Variants in STAT4 observed in about 807,000 individuals in gnomAD.
STAT4 encodes signal transducer and activator of transcription 4.
A neutral mutation model predicts 110.5 loss-of-function variants in STAT4; 42 were observed. The observed-to-expected ratio is 0.38, with a 90% CI of 0.30 to 0.49. The LOEUF (loss-of-function observed/expected upper bound fraction) is 0.49. Among genes scored for constraint, STAT4 ranks in the 20% least tolerant of loss-of-function variants. STAT4 has a pLI of 0.95. For synonymous variants in STAT4, 284 were observed against 302.2 expected (o/e 0.94, Z 0.63); for missense variants, 632 against 887.9 (o/e 0.71, Z 3.66).
intron 3 of STAT4, among the ~76,000 whole-genome samples, chr2:191,114,854 T>G (rs1323299547): frequency 6.6e-6 from 1 of 152,162 alleles, no homozygotes; most frequent in African/African-American, 2.4e-5. Flanking sequence ...CATAATGTAT[T>G]GTTGAAGCAG....
Position 191,146,580 on chromosome 2 carries a change from C to T in STAT4, c.273+33G>A. The T allele has an allele frequency of 1.4e-6, 2 of 1,433,308 alleles. No individual in the cohort carries two copies. Among genetic ancestry groups the T allele is most frequent in the Non-Finnish European group, 9.2e-7 (1 of 1,086,054 alleles). 88.8% of individuals were successfully genotyped at this position (1,433,308 alleles called of 1,614,324 possible). On this transcript the variant is annotated intron_variant, in intron 3 of 23. Coordinates refer to ENST00000392320, the MANE Select transcript of STAT4 (RefSeq NM_003151.4). This position sits in a 1 kb window ranked among gnomAD's most constrained non-coding sequence, Gnocchi z 4.5. ...TAACTAAATTTAAGACTCATATATC[C>T]AAATATTTTGGAAAAGTAGAATGCA...
At chr2:191,134,124 T>C (rs1699116481) in intron 3 of STAT4, among the ~76,000 whole-genome samples, 2 of 152,190 alleles carry the variant, frequency 1.3e-5, no homozygotes, top group Admixed American at 6.5e-5. Flanking sequence ...AGTCTAAGGT[T>C]GGGCCAATCC....
rs1029480731 is a variant in STAT4 at position 191,099,311 on chromosome 2, C to T, written c.274-22986G>A. On this transcript the variant is annotated intron_variant, in intron 3 of 23. Coordinates refer to ENST00000392320, the MANE Select transcript of STAT4 (RefSeq NM_003151.4). This position sits in a 1 kb window ranked among gnomAD's most constrained non-coding sequence, Gnocchi z 4.1. ...TATTAGGAAAGAAATCTCAAAATAT[C>T]AGAATTTAAAATGCTTATATTTTGA... Among the ~76,000 whole-genome samples the T allele has an allele frequency of 5.3e-5, 8 of 152,014 alleles. No homozygotes were observed. Among genetic ancestry groups the T allele is most frequent in the African/African-American group, 1.9e-4 (8 of 41,418 alleles).
At chr2:191,041,246 TA>T in intron 14 of STAT4, 98 bp from the exon 15 acceptor site, 1 of 498,246 alleles carries the variant, frequency 2.0e-6, no homozygotes, top group East Asian at 5.1e-5. Context: ...ATTAATAAAT[TA>T]ATAAAGTAAA....
intron 5 of STAT4, among the ~76,000 whole-genome samples, chr2:191,070,988 T>C (rs1697130598): frequency 6.6e-6 from 1 of 152,178 alleles, no homozygotes; most frequent in Non-Finnish European, 1.5e-5. Context: ...ATTACTCTTC[T>C]AATCCCTGTT....
intron 3 of STAT4, among the ~76,000 whole-genome samples, chr2:191,094,952 T>C (rs1345147594): frequency 2.3e-5 from 3 of 131,486 alleles, no homozygotes; most frequent in Non-Finnish European, 4.9e-5. Context: ...GGGGTTGCAA[T>C]CCTAGTCTCT....
rs1452270846 is a variant in STAT4, at chr2:191,031,194, T to C, written c.2112-114A>G. The C allele has an allele frequency of 9.0e-7, 1 of 1,116,592 alleles. No individual in the cohort carries two copies. The highest frequency in any genetic ancestry group is 2.4e-5 in the East Asian group (1 of 42,150). 69.2% of individuals were successfully genotyped at this position (1,116,592 alleles called of 1,614,324 possible). ...GGCTTCATCTATTTGTGACATTGAG[T>C]TATCTAATTCATCATTTCATATCAG... On this transcript the variant is annotated intron_variant, in intron 22 of 23. Coordinates refer to ENST00000392320, the MANE Select transcript of STAT4 (RefSeq NM_003151.4). This position sits in a 1 kb window ranked among gnomAD's most constrained non-coding sequence, Gnocchi z 4.8.
chr2:191,082,418 T>C lies in STAT4; in HGVS notation c.274-6093A>G, dbSNP rs1697508602. On this transcript the variant is annotated intron_variant, in intron 3 of 23. Coordinates refer to ENST00000392320, the MANE Select transcript of STAT4 (RefSeq NM_003151.4). The surrounding 1 kb of genome is among the most constrained non-coding windows in gnomAD (Gnocchi z 4.7). ...AGATCAACATATGTTGCACCAACAG[T>C]GCACATAATTCGATTGAAGTGACAA... is the stretch of plus-strand genomic sequence containing the variant. 2.0e-5 allele frequency among the ~76,000 whole-genome samples: 3 copies of C among 152,366 alleles called. No homozygotes were observed. The highest frequency in any genetic ancestry group is 3.9e-4 in the East Asian group (2 of 5,192).
Position 191,144,282 on chromosome 2 carries a change from C to T in STAT4, c.273+2331G>A, listed in dbSNP as rs1359952247. 6.6e-6 allele frequency among the ~76,000 whole-genome samples: 1 copy of T among 152,078 alleles called. No individual in the cohort carries two copies. The highest frequency in any genetic ancestry group is 2.4e-5 in the African/African-American group (1 of 41,404). On this transcript the variant is annotated intron_variant, in intron 3 of 23. Transcript: ENST00000392320. This position sits in a 1 kb window ranked among gnomAD's most constrained non-coding sequence, Gnocchi z 4.7. ...GCTGGAGGGCTGGAGGATGAGAACA[C>T]AGACTAAAGCATGTGGTGAAGGTTT... is the stretch of plus-strand genomic sequence containing the variant.
chr2:191,048,851 C>T (rs1451061581), intron 14 of STAT4, among the ~76,000 whole-genome samples: 4 of 137,770 alleles, frequency 2.9e-5, no homozygotes, highest in Non-Finnish European at 6.2e-5. Flanking sequence ...CAAAGCCATC[C>T]TAATCATCCA....
intron 4 of STAT4, among the ~76,000 whole-genome samples, chr2:191,073,495 T>G (rs1697224145): frequency 6.6e-6 from 1 of 152,194 alleles, no homozygotes; most frequent in Non-Finnish European, 1.5e-5. Flanking sequence ...GAGACCAGCC[T>G]GGGCAACATG....
rs1697629550 is a variant in STAT4, at chr2:191,086,226, CCTT to C, written c.274-9904_274-9902del. On this transcript the variant is annotated intron_variant, in intron 3 of 23. Transcript: ENST00000392320. This position sits in a 1 kb window ranked among gnomAD's most constrained non-coding sequence, Gnocchi z 5.5. ...CATAAAAGCCCTTTGGAAAAACTGG[CCTT>C]CTATCTTGTCCTTCACAGGGTTCTT... Among the ~76,000 whole-genome samples, 1 of 152,090 alleles carries C rather than the reference CCTT, an allele frequency of 6.6e-6. No individual in the cohort carries two copies.
At chr2:191,041,642 T>C (rs983293267) in intron 14 of STAT4, 1 of 152,272 alleles carries the variant, frequency 6.6e-6, no homozygotes, top group African/African-American at 2.4e-5. Flanking sequence ...AGGTAATAGC[T>C]GGAGTTTTAT....
chr2:191,036,400 T>TA (rs1696048489), intron 16 of STAT4, 101 bp from the exon 17 acceptor site: 1 of 1,232,358 alleles, frequency 8.1e-7, no homozygotes. Flanking sequence ...CCCACACACA[T>TA]ACTAGGAGTG....
At chr2:191,074,351 A>T (rs1223306439) in intron 4 of STAT4, among the ~76,000 whole-genome samples, 2 of 152,326 alleles carry the variant, frequency 1.3e-5, no homozygotes, top group South Asian at 2.1e-4. Flanking sequence ...ACTCTTGATC[A>T]GATGTTCTTC....
intron 3 of STAT4, among the ~76,000 whole-genome samples, chr2:191,084,391 A>C (rs1003153140): frequency 4.6e-5 from 7 of 152,188 alleles, no homozygotes; most frequent in Non-Finnish European, 1.0e-4. Context: ...TGGGCTCTGC[A>C]CCTGGTACAT....
At position 191,042,513 on chromosome 2, in the gene STAT4, TG is replaced by T. The variant is rs1696232629; in HGVS notation, c.1252-1366del. Among the ~76,000 whole-genome samples the T allele has an allele frequency of 6.6e-6, 1 of 152,148 alleles. No homozygotes were observed. Among genetic ancestry groups the T allele is most frequent in the Non-Finnish European group, 1.5e-5 (1 of 68,012 alleles). ...CCTTTTTTGAGACAATAGAGGAATT[TG>T]AACAAAAAATAGGATTTTATTAAGG... On this transcript the variant is annotated intron_variant, in intron 14 of 23. Coordinates refer to ENST00000392320, the MANE Select transcript of STAT4 (RefSeq NM_003151.4). The surrounding 1 kb of genome is among the most constrained non-coding windows in gnomAD (Gnocchi z 4.2).
In STAT4 at chr2:191,032,654, G is replaced by A. The variant is rs1043491949; in HGVS notation, c.2044+304C>T. 3.3e-5 allele frequency among the ~76,000 whole-genome samples: 5 copies of A among 152,160 alleles called. No homozygotes were observed. Among genetic ancestry groups the A allele is most frequent in the Non-Finnish European group, 5.9e-5 (4 of 68,034 alleles). On this transcript the variant is annotated intron_variant, in intron 21 of 23. Coordinates refer to ENST00000392320, the MANE Select transcript of STAT4 (RefSeq NM_003151.4). The surrounding 1 kb of genome is among the most constrained non-coding windows in gnomAD (Gnocchi z 4.9). ...TCCCTCAGTCATAGACATGAAGCCTGCACCACTTCTGTCTTACAAAGGAGA... is the reference window on the plus strand; with the variant it reads ...TCCCTCAGTCATAGACATGAAGCCTACACCACTTCTGTCTTACAAAGGAGA...
intron 3 of STAT4, among the ~76,000 whole-genome samples, chr2:191,079,704 TA>T (rs776831263): frequency 5.3e-5 from 8 of 152,202 alleles, no homozygotes; most frequent in Non-Finnish European, 1.0e-4. Context: ...GTGACTTATT[TA>T]AAAATGTATT....
Sources: gnomAD v4.1 joint callset for allele counts (sites outside exome capture counted in the v4.1 genomes callset) on GRCh38, gnomAD v4.1.1 for gene constraint, Gnocchi (gnomAD v3.1) non-coding constraint, MANE v1.5 for transcripts, NCBI Gene and HGNC (gene_info 2026-07-23, HGNC 2026-07-21) for gene names.